The following ATG101 variants were observed in gnomAD, a reference collection of about 807,000 sequenced individuals.
ATG101 encodes autophagy related 101, also known as autophagy-related protein 101.
Under a neutral mutation model 16.7 loss-of-function variants are expected in ATG101, and 6 were observed. That is an observed-to-expected ratio of 0.36 (90% confidence interval 0.20 to 0.71). ATG101 has a LOEUF of 0.71. Among genes scored for constraint, ATG101 ranks in the 30% least tolerant of loss-of-function variants. The pLI is 0.57. For missense variants in ATG101, 200 were observed against 292.5 expected, an observed-to-expected ratio of 0.68 and a Z score of 2.31; for synonymous variants, 108 against 118.1, an observed-to-expected ratio of 0.91 and a Z score of 0.56.
intron 3 of ATG101, among the ~76,000 whole-genome samples, chr12:52,076,351 G>C (rs1162147589): frequency 1.3e-5 from 2 of 152,192 alleles, no homozygotes; most frequent in East Asian, 3.8e-4. Flanking sequence ...AGACAATCCA[G>C]ATTCAAACCC....
chr12:52,076,090 C>G (rs147861177), intron 3 of ATG101, among the ~76,000 whole-genome samples: 1 of 152,082 alleles, frequency 6.6e-6, no homozygotes, highest in African/African-American at 2.4e-5. Context: ...CCCAGGAGTC[C>G]GAGGCTGCAG....
intron 3 of ATG101, among the ~76,000 whole-genome samples, chr12:52,075,739 G>T (rs1939721103): frequency 6.6e-6 from 1 of 152,224 alleles, no homozygotes; most frequent in South Asian, 2.1e-4. Context: ...TTGCTTCTCA[G>T]GGGAGAAGAG....
intron 3 of ATG101, among the ~76,000 whole-genome samples, chr12:52,076,428 T>G (rs1939731584): frequency 6.6e-6 from 1 of 152,214 alleles, no homozygotes; most frequent in African/African-American, 2.4e-5. Flanking sequence ...TCATCGTGCC[T>G]TGGTGAAAGC....
In ATG101 at chr12:52,076,937, A is replaced by G; in HGVS notation, c.404A>G (p.Gln135Arg). The change falls in exon 4 of 4, where the codon CAG becomes CGG. Residue 135 changes from glutamine to arginine, a missense_variant. Coordinates refer to ENST00000336854, the MANE Select transcript of ATG101 (RefSeq NM_021934.5). Reference protein sequence around the residue: ...KVHVVALATEQERQICREKVG... With the variant: ...KVHVVALATERERQICREKVG... ...CATGTGGTAGCCCTGGCCACGGAGC[A>G]GGAGCGGCAGATCTGCCGGGAGAAG... The G allele has an allele frequency of 6.2e-7, 1 of 1,614,218 alleles. No individual in the cohort carries two copies. Among genetic ancestry groups the G allele is most frequent in the Non-Finnish European group, 8.5e-7 (1 of 1,180,036 alleles).
chr12:52,065,507 C>A (rs1241106162), upstream of ATG101, among the ~76,000 whole-genome samples: 1 of 145,066 alleles, frequency 6.9e-6, no homozygotes, highest in Non-Finnish European at 1.5e-5. Context: ...AGTTTTTTAA[C>A]CACTCCCTCC....
At chr12:52,075,979 A>T (rs1565662482) in intron 3 of ATG101, among the ~76,000 whole-genome samples, 1 of 151,958 alleles carries the variant, frequency 6.6e-6, no homozygotes, top group Non-Finnish European at 1.5e-5. Flanking sequence ...GGATAACGTA[A>T]CAATACCCCG....
intron 3 of ATG101, among the ~76,000 whole-genome samples, chr12:52,074,128 C>T (rs1213571138): frequency 1.3e-5 from 2 of 152,202 alleles, no homozygotes; most frequent in Non-Finnish European, 2.9e-5. Flanking sequence ...CATAAATGTG[C>T]CTGGGGGAAA....
At chr12:52,070,926 TCCAAGCA>T (rs1212617665) in intron 2 of ATG101, 3 of 152,190 alleles carry the variant, frequency 2.0e-5, no homozygotes, top group African/African-American at 7.2e-5. Context: ...TCCTTCTTGA[TCCAAGCA>T]TGTAGGAGAA....
chr12:52,077,041 A>C lies in ATG101; in HGVS notation c.508A>C (p.Thr170Pro). 1 of 1,614,194 alleles carries C rather than the reference A, an allele frequency of 6.2e-7. No homozygotes were observed. The highest frequency in any genetic ancestry group is 8.5e-7 in the Non-Finnish European group (1 of 1,180,030). The change falls in exon 4 of 4, where the codon ACA becomes CCA. Residue 170 changes from threonine (T) to proline (P), a missense_variant. Physicochemically the swap from Thr to Pro is conservative, Grantham distance 38. Transcript: ENST00000336854. ...GCATGAGTACTTGCCCAAGATGCCC[A>C]CACAGTCGGAGGTGGATAACGTGTT... ...NRHEYLPKMPTQSEVDNVFDT... is the reference protein window; with the variant it reads ...NRHEYLPKMPPQSEVDNVFDT...
intron 3 of ATG101, 112 bp downstream of exon 3, chr12:52,074,014 C>T (rs928888309): frequency 8.4e-6 from 12 of 1,435,502 alleles, no homozygotes; most frequent in East Asian, 6.9e-5. Flanking sequence ...TTCCTGAGTG[C>T]GTGAATCGGG....
upstream of ATG101, among the ~76,000 whole-genome samples, chr12:52,068,352 C>CTT (rs1227003912): frequency 2.1e-5 from 3 of 143,344 alleles, no homozygotes; most frequent in Non-Finnish European, 4.6e-5. Flanking sequence ...TCACACCCGA[C>CTT]TTTTTTTTTT....
intron 3 of ATG101, among the ~76,000 whole-genome samples, chr12:52,074,374 G>T (rs1002091441): frequency 5.3e-5 from 8 of 152,186 alleles, no homozygotes; most frequent in Non-Finnish European, 1.5e-5. Flanking sequence ...GATGTAGAAG[G>T]GACACGGCCG....
At chr12:52,068,745 G>A (rs1939579683), upstream of ATG101, among the ~76,000 whole-genome samples, 2 of 151,980 alleles carry the variant, frequency 1.3e-5, no homozygotes, top group African/African-American at 2.4e-5. Flanking sequence ...CCAGCACTTT[G>A]GGAGGCCGAG....
chr12:52,067,641 G>A (rs910555830), upstream of ATG101, among the ~76,000 whole-genome samples: 2 of 151,352 alleles, frequency 1.3e-5, no homozygotes, highest in Non-Finnish European at 2.9e-5. Context: ...AGGCTGGAGT[G>A]CAGTGGTGTG....
In ATG101 at chr12:52,077,442, A is replaced by G; in HGVS notation, c.*252A>G. On this transcript the variant is annotated 3_prime_UTR_variant, in exon 4 of 4. Coordinates refer to ENST00000336854, the MANE Select transcript of ATG101 (RefSeq NM_021934.5). ...GGTCCCCCTTCTTTCTCCACTGTAC[A>G]GAAGAGCCACCACTGGGATGGGGAA... 1 of 517,248 alleles carries G rather than the reference A, an allele frequency of 1.9e-6. No individual in the cohort carries two copies. Among genetic ancestry groups the G allele is most frequent in the Non-Finnish European group, 3.4e-6 (1 of 290,694 alleles). The allele number at this position is 517,248 out of a possible 1,614,324, so 32.0% of individuals were successfully genotyped here. A position where few individuals can be genotyped will look rare whatever the true frequency, so the allele number is the denominator to read the frequency against.
upstream of ATG101, among the ~76,000 whole-genome samples, chr12:52,068,083 G>A (rs1477112606): frequency 7.0e-6 from 1 of 142,472 alleles, no homozygotes. Flanking sequence ...GTTTCTCTCC[G>A]TTGCCCAGGC....
chr12:52,075,207 G>A (rs776106712), intron 3 of ATG101, among the ~76,000 whole-genome samples: 4 of 152,054 alleles, frequency 2.6e-5, no homozygotes, highest in East Asian at 3.9e-4. Flanking sequence ...TCATTGTCCC[G>A]CCAAACCCAG....
upstream of ATG101, among the ~76,000 whole-genome samples, chr12:52,067,759 T>TTG (rs1254521689): frequency 6.6e-6 from 1 of 151,376 alleles, no homozygotes; most frequent in Non-Finnish European, 1.5e-5. Flanking sequence ...GGCTATTTTT[T>TTG]TTTTTTTTGT....
At chr12:52,067,335 A>G (rs1939559948), upstream of ATG101, among the ~76,000 whole-genome samples, 1 of 152,212 alleles carries the variant, frequency 6.6e-6, no homozygotes, top group South Asian at 2.1e-4. Context: ...GAAATCACCT[A>G]TGATAGGAAA....
Sources: allele counts gnomAD v4.1 joint callset (sites outside exome capture counted in the v4.1 genomes callset), GRCh38; gene constraint gnomAD v4.1.1; transcripts MANE v1.5; gene names NCBI Gene and HGNC (gene_info 2026-07-23, HGNC 2026-07-21).